Variants in ZNF385D observed in about 807,000 individuals in gnomAD.
ZNF385D encodes zinc finger protein 385D, also known as zinc finger protein 659.
In ZNF385D, 15 loss-of-function variants were observed where a neutral mutation model predicts 35.8. That is an observed-to-expected ratio of 0.42 (90% CI 0.28 to 0.64). The LOEUF is 0.64. Among genes scored for constraint, ZNF385D ranks in the 30% least tolerant of loss-of-function variants. ZNF385D has a pLI of 0.23. For missense variants in ZNF385D, 474 were observed against 494.6 expected (o/e 0.96, Z 0.39); for synonymous variants, 212 against 186.8 (o/e 1.13, Z -1.10).
At chr3:22,219,389 A>G (rs1049479854) in intron 2 of ZNF385D, among the ~76,000 whole-genome samples, 2 of 152,122 alleles carry the variant, frequency 1.3e-5, no homozygotes, top group African/African-American at 4.8e-5. Context: ...ATTCAAATAT[A>G]TTCTTCCCAA....
At chr3:22,126,084 C>A (rs1313830052) in intron 3 of ZNF385D, among the ~76,000 whole-genome samples, 2 of 151,840 alleles carry the variant, frequency 1.3e-5, no homozygotes, top group African/African-American at 4.8e-5. Flanking sequence ...GAGGTATGTT[C>A]CTTGTATACC....
chr3:22,266,639 G>A (rs1405016059), intron 2 of ZNF385D, among the ~76,000 whole-genome samples: 4 of 151,890 alleles, frequency 2.6e-5, no homozygotes, highest in Non-Finnish European at 5.9e-5. Context: ...GAATAGTTAC[G>A]ATAGACACTG....
intron 3 of ZNF385D, among the ~76,000 whole-genome samples, chr3:21,870,199 A>C (rs1437007256): frequency 6.6e-6 from 1 of 152,186 alleles, no homozygotes; most frequent in Non-Finnish European, 1.5e-5. Context: ...CCTGACCAAT[A>C]TCATAATTGT....
At chr3:21,866,393 G>T (rs983071791) in intron 3 of ZNF385D, among the ~76,000 whole-genome samples, 1 of 152,180 alleles carries the variant, frequency 6.6e-6, no homozygotes, top group Non-Finnish European at 1.5e-5. Context: ...GGTGGAGGTT[G>T]CAGTGAGCCA....
rs533011011 is a variant in ZNF385D at position 22,300,558 on chromosome 3, C to A, written c.106+71892G>T. 1.5e-4 allele frequency among the ~76,000 whole-genome samples: 23 copies of A among 151,760 alleles called. No individual in the cohort carries two copies. In the South Asian group the frequency reaches 4.8e-3, roughly 32 times the overall value. On this transcript the variant is annotated intron_variant, in intron 2 of 5. Transcript: ENST00000494108. Reference sequence around the variant, plus strand: ...CTATTCATCTGAAAAGAAGTTAGCACCCAACATATATAACAAACTCAACAA... The same window carrying A: ...CTATTCATCTGAAAAGAAGTTAGCAACCAACATATATAACAAACTCAACAA...
chr3:21,729,407 G>C (rs1299800247), intron 1 of ZNF385D, among the ~76,000 whole-genome samples: 1 of 151,966 alleles, frequency 6.6e-6, no homozygotes, highest in Non-Finnish European at 1.5e-5. Context: ...CAGTGAAAAT[G>C]GATTATCTTC....
intron 3 of ZNF385D, among the ~76,000 whole-genome samples, chr3:22,028,931 A>G (rs772052661): frequency 6.6e-6 from 1 of 152,172 alleles, no homozygotes; most frequent in African/African-American, 2.4e-5. Flanking sequence ...TCAGCATACA[A>G]TATATGGTAC....
At chr3:22,294,999 A>G (rs1376922466) in intron 2 of ZNF385D, among the ~76,000 whole-genome samples, 1 of 152,066 alleles carries the variant, frequency 6.6e-6, no homozygotes, top group African/African-American at 2.4e-5. Context: ...ACACACTCAC[A>G]CACATGTTTC....
Position 22,174,169 on chromosome 3 carries a change from T to C in ZNF385D, c.107-5134A>G, listed in dbSNP as rs188484133. ...TAATATAAAATGAAAGTATGTAAAATAGTGTATTTTAGTTGACAACCAAAC... is the reference window on the plus strand; with the variant it reads ...TAATATAAAATGAAAGTATGTAAAACAGTGTATTTTAGTTGACAACCAAAC... On this transcript the variant is annotated intron_variant, in intron 2 of 5. Transcript: ENST00000494108. 5.3e-5 allele frequency among the ~76,000 whole-genome samples: 8 copies of C among 152,240 alleles called. No individual in the cohort carries two copies. In the East Asian group the frequency reaches 7.7e-4, roughly 15 times the overall value.
At chr3:22,203,932 A>G (rs1696974667) in intron 2 of ZNF385D, among the ~76,000 whole-genome samples, 1 of 152,050 alleles carries the variant, frequency 6.6e-6, no homozygotes, top group Non-Finnish European at 1.5e-5. Flanking sequence ...AGGGAAGAAA[A>G]GAAGTCTGGT....
chr3:22,101,095 T>C (rs1452831025), intron 3 of ZNF385D, among the ~76,000 whole-genome samples: 1 of 151,960 alleles, frequency 6.6e-6, no homozygotes, highest in Non-Finnish European at 1.5e-5. Flanking sequence ...AAATGAGATT[T>C]TGTCGAATTC....
chr3:21,531,630 C>T (rs1049285351), intron 3 of ZNF385D, among the ~76,000 whole-genome samples: 8 of 152,020 alleles, frequency 5.3e-5, no homozygotes, highest in Admixed American at 2.0e-4. Context: ...ATTACTAAGT[C>T]GAAGAAGCCA....
At chr3:22,024,879 C>T (rs1697441387) in intron 3 of ZNF385D, among the ~76,000 whole-genome samples, 1 of 152,102 alleles carries the variant, frequency 6.6e-6, no homozygotes, top group Non-Finnish European at 1.5e-5. Flanking sequence ...AGATACTGAG[C>T]CTCAAATCTG....
chr3:21,892,476 T>G (rs1474545430), intron 3 of ZNF385D, among the ~76,000 whole-genome samples: 2 of 152,182 alleles, frequency 1.3e-5, no homozygotes, highest in East Asian at 1.9e-4. Context: ...TTGTTTGTGC[T>G]TTGCTCTGAT....
chr3:22,346,313 G>A (rs1347164255), intron 2 of ZNF385D, among the ~76,000 whole-genome samples: 1 of 152,050 alleles, frequency 6.6e-6, no homozygotes, highest in Non-Finnish European at 1.5e-5. Flanking sequence ...TACAAATAAC[G>A]ACATATCTGT....
intron 1 of ZNF385D, 102 bp from the exon 2 acceptor site, chr3:21,665,130 G>C: frequency 7.2e-7 from 1 of 1,397,934 alleles, no homozygotes; most frequent in African/African-American, 1.5e-5. Context: ...TGGGTCACTG[G>C]AAAAAACAAG....
intron 3 of ZNF385D, among the ~76,000 whole-genome samples, chr3:22,107,095 G>A (rs1310228129): frequency 6.8e-6 from 1 of 146,074 alleles, no homozygotes; most frequent in Admixed American, 7.0e-5. Context: ...AGTGATCTTG[G>A]TTCACCACAA....
At chr3:22,272,837 A>G (rs1576595895) in intron 2 of ZNF385D, among the ~76,000 whole-genome samples, 1 of 152,086 alleles carries the variant, frequency 6.6e-6, no homozygotes, top group African/African-American at 2.4e-5. Flanking sequence ...TATTATAGAC[A>G]TGTGCTAAAA....
At chr3:21,943,494 T>C (rs548735978) in intron 3 of ZNF385D, among the ~76,000 whole-genome samples, 2 of 152,018 alleles carry the variant, frequency 1.3e-5, no homozygotes, top group Admixed American at 6.6e-5. Flanking sequence ...AATTATAATA[T>C]ATTCAGTATA....
Sources: allele counts gnomAD v4.1 joint callset (sites outside exome capture counted in the v4.1 genomes callset), GRCh38; gene constraint gnomAD v4.1.1; transcripts MANE v1.5; gene names NCBI Gene and HGNC (gene_info 2026-07-23, HGNC 2026-07-21).